The following DHX16 variants were observed in gnomAD, a reference collection of about 807,000 sequenced individuals.
DHX16 encodes DEAH-box helicase 16, also known as pre-mRNA-splicing factor ATP-dependent RNA helicase DHX16.
In DHX16, 81 loss-of-function variants were observed where a neutral mutation model predicts 131.2. The ratio of observed to expected loss-of-function variants is 0.62; its 90% CI spans 0.52 to 0.74. The LOEUF (loss-of-function observed/expected upper bound fraction) is 0.74, where lower values mean the gene tolerates loss of function less well. Ranked by LOEUF, DHX16 falls within the 30% of genes least tolerant of loss-of-function variation. DHX16 has a pLI of 0.00. For synonymous variants in DHX16, 440 were observed against 520.2 expected, an observed-to-expected ratio of 0.85 and a Z score of 2.10; for missense variants, 980 against 1,363.1, an observed-to-expected ratio of 0.72 and a Z score of 4.43.
chr6:30,670,683 G>C lies in DHX16; in HGVS notation c.609+107C>G, dbSNP rs1769450027. The C allele has an allele frequency of 6.8e-7, 1 of 1,481,070 alleles. No homozygotes were observed. The highest frequency in any genetic ancestry group is 2.3e-5 in the East Asian group (1 of 44,022). 91.7% of individuals were successfully genotyped at this position (1,481,070 alleles called of 1,614,324 possible). On this transcript the variant is annotated intron_variant, in intron 3 of 19. Coordinates refer to ENST00000376442, the MANE Select transcript of DHX16 (RefSeq NM_003587.5). This position sits in a 1 kb window ranked among gnomAD's most constrained non-coding sequence, Gnocchi z 4.4. ...CACCACAGAGGTGAACATCTCACTA[G>C]AGACAGCCCCTTGTCTTCCCAGAGA...
intron 7 of DHX16, among the ~76,000 whole-genome samples, chr6:30,663,655 AG>A (rs1256245488): frequency 1.3e-5 from 2 of 149,128 alleles, no homozygotes; most frequent in African/African-American, 5.0e-5. Context: ...TGGGAGACAG[AG>A]GTTGCAGTAA....
rs1180768329 is a variant in DHX16, at chr6:30,660,143, G to C, written c.1644C>G (p.Val548=). ...DVARFRPELK[V]LVASATMDTA... is the part of the protein sequence containing the mutation. ...TGTCCATTGTGGCTGAAGCCACCAG[G>C]ACCTTGAGCTCAGGTCGGAAGCGAG... The change falls in exon 10 of 20, where the codon GTC becomes GTG. Residue 548 remains valine (V), a synonymous_variant. Coordinates refer to ENST00000376442, the MANE Select transcript of DHX16 (RefSeq NM_003587.5). 6.2e-7 allele frequency: 1 copy of C among 1,608,780 alleles called. No individual in the cohort carries two copies. The highest frequency in any genetic ancestry group is 1.3e-5 in the African/African-American group (1 of 74,804).
At chr6:30,655,392 G>A (rs1326310168) in intron 17 of DHX16, 43 bp downstream of exon 17, 1 of 1,613,904 alleles carries the variant, frequency 6.2e-7, no homozygotes, top group Admixed American at 1.7e-5. Flanking sequence ...CAGGACTAAA[G>A]TCCCCCAGTG....
intron 4 of DHX16, among the ~76,000 whole-genome samples, chr6:30,666,527 G>A (rs1389201785): frequency 6.6e-6 from 1 of 152,094 alleles, no homozygotes; most frequent in Non-Finnish European, 1.5e-5. Context: ...CTGGTGGCTG[G>A]GTGGGCGTGG....
intron 19 of DHX16, among the ~76,000 whole-genome samples, chr6:30,654,081 C>T (rs367821355): frequency 6.1e-4 from 93 of 151,720 alleles, no homozygotes; most frequent in African/African-American, 1.5e-3. Flanking sequence ...GGTGCCACTG[C>T]ACTCCAGCCT....
chr6:30,666,098 A>G (rs3094097), intron 4 of DHX16, among the ~76,000 whole-genome samples: 24,438 of 152,202 alleles, frequency 0.16, 3,364 homozygotes, highest in African/African-American at 0.36. Flanking sequence ...CTAATCCAGC[A>G]TTTAGAAGCA....
At chr6:30,660,745 G>A (rs1453442693) in intron 9 of DHX16, among the ~76,000 whole-genome samples, 2 of 151,982 alleles carry the variant, frequency 1.3e-5, no homozygotes, top group Non-Finnish European at 2.9e-5. Context: ...AGCCAGATGT[G>A]GTGGTAGACG....
In DHX16 at chr6:30,654,653, C is replaced by T. The variant is rs149332941; in HGVS notation, c.2997+53G>A. 4.6e-6 allele frequency: 7 copies of T among 1,520,128 alleles called. No individual in the cohort carries two copies. In the African/African-American group the frequency reaches 9.6e-5, roughly 21 times the overall value. The allele number at this position is 1,520,128 out of a possible 1,614,324, so 94.2% of individuals were successfully genotyped here. On this transcript the variant is annotated intron_variant, in intron 19 of 19. Transcript: ENST00000376442. ...AACCTGGGTTCTTAGCTTGCCAGGA[C>T]ACCATCTCTCTACATAGTCTCCACC...
chr6:30,661,578 C>T (rs1214914755), intron 9 of DHX16, among the ~76,000 whole-genome samples: 2 of 152,146 alleles, frequency 1.3e-5, no homozygotes, highest in East Asian at 3.9e-4. Context: ...CAAGTTAAGC[C>T]TTTCTACCTC....
At position 30,670,275 on chromosome 6, in the gene DHX16, G is replaced by T. The variant is rs547521249; in HGVS notation, c.666+135C>A. ...TCCTCAGCTGGCTCCTAACAACCAA[G>T]CCCCTCTTCTAGAAACCTGACCACC... On this transcript the variant is annotated intron_variant, in intron 4 of 19. Coordinates refer to ENST00000376442, the MANE Select transcript of DHX16 (RefSeq NM_003587.5). The surrounding 1 kb of genome is among the most constrained non-coding windows in gnomAD (Gnocchi z 4.4). The T allele has an allele frequency of 5.5e-5, 44 of 800,824 alleles. No individual in the cohort carries two copies. The South Asian group carries it at 7.3e-4, about 13-fold the overall frequency. 49.6% of individuals were successfully genotyped at this position (800,824 alleles called of 1,614,324 possible). A position where few individuals can be genotyped will look rare whatever the true frequency, so the allele number is the denominator to read the frequency against.
rs370258495 is a variant in DHX16, at chr6:30,671,756, G to A, written c.208-482C>T. Among the ~76,000 whole-genome samples the A allele has an allele frequency of 1.7e-4, 26 of 151,894 alleles. 3 individuals carry two copies. The highest frequency in any genetic ancestry group is 1.2e-3 in the East Asian group (6 of 5,108). On this transcript the variant is annotated intron_variant, in intron 1 of 19. Coordinates refer to ENST00000376442, the MANE Select transcript of DHX16 (RefSeq NM_003587.5). ...GTTTTTTATTTTTTTTTACAGACAGGGTTTCACTCTGTCCCTCTTGGGCTC... is the reference window on the plus strand; with the variant it reads ...GTTTTTTATTTTTTTTTACAGACAGAGTTTCACTCTGTCCCTCTTGGGCTC...
rs1768865972 is a variant in DHX16 at position 30,664,872 on chromosome 6, G to A, written c.1246C>T (p.Gln416Ter). Reference sequence around the variant, plus strand: ...GTCTCGCCTTCAATGATGAGGACTTGGTGATTTGCAATAGCAGCCAGGAGC... The same window carrying A: ...GTCTCGCCTTCAATGATGAGGACTTAGTGATTTGCAATAGCAGCCAGGAGC... ...EELLAAIANH[Q>*]VLIIEGETGS... Residue 416 changes from glutamine (Q) to a stop codon, truncating the protein, a stop_gained, in exon 7 of 20, where the codon CAA becomes TAA. Coordinates refer to ENST00000376442, the MANE Select transcript of DHX16 (RefSeq NM_003587.5). LOFTEE classifies it high-confidence loss of function. 6.2e-7 allele frequency: 1 copy of A among 1,613,064 alleles called. No individual in the cohort carries two copies. Among genetic ancestry groups the A allele is most frequent in the African/African-American group, 1.3e-5 (1 of 74,888 alleles).
intron 4 of DHX16, among the ~76,000 whole-genome samples, chr6:30,666,739 C>T (rs1418844242): frequency 1.3e-5 from 2 of 152,056 alleles, no homozygotes; most frequent in Non-Finnish European, 2.9e-5. Flanking sequence ...ACCCGGGAGA[C>T]GGAGGTTGCA....
Position 30,664,900 on chromosome 6 carries a change from C to T in DHX16, c.1218G>A (p.Glu406=). 2.5e-6 allele frequency: 4 copies of T among 1,613,524 alleles called. No individual in the cohort carries two copies. The highest frequency in any genetic ancestry group is 3.4e-6 in the Non-Finnish European group (4 of 1,180,008). The change falls in exon 7 of 20, where the codon GAG becomes GAA. Residue 406 remains glutamate, a synonymous_variant. Transcript: ENST00000376442. ...GATTTGCAATAGCAGCCAGGAGCTC[C>T]TCTCGAAATGGGAACACCGGGAGGC... The part of the protein sequence containing the change: ...RRSLPVFPFR[E]ELLAAIANHQ...
At chr6:30,668,940 T>C (rs1319806388) in intron 4 of DHX16, among the ~76,000 whole-genome samples, 1 of 151,698 alleles carries the variant, frequency 6.6e-6, no homozygotes, top group African/African-American at 2.4e-5. Context: ...ACCCCATCTC[T>C]ACTAAAAATA....
intron 7 of DHX16, among the ~76,000 whole-genome samples, chr6:30,664,138 T>C (rs1441412698): frequency 6.6e-6 from 1 of 151,704 alleles, no homozygotes; most frequent in Non-Finnish European, 1.5e-5. Flanking sequence ...CAGTGAGTCA[T>C]GATGGTGCCA....
intron 12 of DHX16, among the ~76,000 whole-genome samples, chr6:30,657,974 T>C (rs1768136212): frequency 6.6e-6 from 1 of 152,362 alleles, no homozygotes; most frequent in Non-Finnish European, 1.5e-5. Context: ...GCAAGTTTGT[T>C]AGGCTAAGGA....
rs147843960 is a variant in DHX16 at position 30,654,790 on chromosome 6, A to G, written c.2913T>C (p.His971=). ...GTTGCTCAAAGAGGGAGGAGTTGGG[A>G]TGAATGAAGACTGTCTGCTGCTGTT... ...TVKQQQTVFI[H]PNSSLFEQQP... The change falls in exon 19 of 20, where the codon CAT becomes CAC. Residue 971 remains histidine, a synonymous_variant. Coordinates refer to ENST00000376442, the MANE Select transcript of DHX16 (RefSeq NM_003587.5). 4.3e-4 allele frequency: 686 copies of G among 1,613,032 alleles called. 1 individual carries two copies. The highest frequency in any genetic ancestry group is 8.3e-4 in the Middle Eastern group (5 of 6,058).
chr6:30,661,552 C>A (rs55682725), intron 9 of DHX16, among the ~76,000 whole-genome samples: 2 of 152,208 alleles, frequency 1.3e-5, no homozygotes, highest in African/African-American at 4.8e-5. Flanking sequence ...ACTGTTTCTT[C>A]TTTTGGAGAC....
Sources: gnomAD v4.1 joint callset for allele counts (sites outside exome capture counted in the v4.1 genomes callset) on GRCh38, gnomAD v4.1.1 for gene constraint, Gnocchi (gnomAD v3.1) non-coding constraint, MANE v1.5 for transcripts, NCBI Gene and HGNC (gene_info 2026-07-23, HGNC 2026-07-21) for gene names.